The following TSPAN9 variants were observed in gnomAD, a reference collection of about 807,000 sequenced individuals.
TSPAN9 encodes tetraspanin 9.
TSPAN9 carries 16 observed loss-of-function variants against 31.0 expected under a neutral mutation model. The observed-to-expected ratio is 0.52, with a 90% CI of 0.35 to 0.78. TSPAN9 has a LOEUF of 0.78. Among genes scored for constraint, TSPAN9 ranks in the 30% least tolerant of loss-of-function variants. The pLI, the probability that TSPAN9 is intolerant of heterozygous loss-of-function variation, is 0.01. For synonymous variants in TSPAN9, 145 were observed against 121.6 expected (o/e 1.19, Z -1.27); for missense variants, 272 against 312.5 (o/e 0.87, Z 0.98).
intron 3 of TSPAN9, among the ~76,000 whole-genome samples, chr12:3,219,220 C>T (rs966480763): frequency 3.9e-5 from 6 of 152,138 alleles, no homozygotes; most frequent in African/African-American, 7.2e-5. Context: ...CAAGAATGTT[C>T]GACCTCTCTA....
At chr12:3,098,497 G>GT (rs1212243173) in intron 2 of TSPAN9, among the ~76,000 whole-genome samples, 1 of 152,140 alleles carries the variant, frequency 6.6e-6, no homozygotes, top group Non-Finnish European at 1.5e-5. Context: ...GAACAAGGTG[G>GT]TTCATCCTTG....
In TSPAN9 at chr12:3,283,131, A is replaced by T. The variant is rs375068489; in HGVS notation, c.*15A>T. 1 of 1,606,174 alleles carries T rather than the reference A, an allele frequency of 6.2e-7. No individual in the cohort carries two copies. Among genetic ancestry groups the T allele is most frequent in the South Asian group, 1.1e-5 (1 of 91,054 alleles). On this transcript the variant is annotated 3_prime_UTR_variant, in exon 9 of 9. Coordinates refer to ENST00000011898, the MANE Select transcript of TSPAN9 (RefSeq NM_006675.5). ...ACGACGCATGAGCGGGCTGGCCGGG[A>T]GTGCCCACCCCGCCCTGCTGCCCTG...
At chr12:3,259,214 G>A (rs1565635512) in intron 3 of TSPAN9, among the ~76,000 whole-genome samples, 1 of 152,154 alleles carries the variant, frequency 6.6e-6, no homozygotes, top group African/African-American at 2.4e-5. Flanking sequence ...GGAGTCCACC[G>A]CCTTCATAGC....
At chr12:3,261,658 C>T (rs976411499) in intron 3 of TSPAN9, among the ~76,000 whole-genome samples, 2 of 152,186 alleles carry the variant, frequency 1.3e-5, no homozygotes, top group African/African-American at 4.8e-5. Context: ...TCAGTGCAAG[C>T]AGGGAGTTTC....
At chr12:3,078,079 A>G (rs762299267) in intron 1 of TSPAN9, among the ~76,000 whole-genome samples, 1 of 152,234 alleles carries the variant, frequency 6.6e-6, no homozygotes, top group Non-Finnish European at 1.5e-5. Context: ...TTGTACTTGT[A>G]CATCTTGGAA....
intron 1 of TSPAN9, among the ~76,000 whole-genome samples, chr12:3,077,840 G>A (rs796250944): frequency 1.6e-4 from 25 of 152,322 alleles, no homozygotes; most frequent in African/African-American, 5.8e-4. Context: ...GAGAGGGCCA[G>A]GGGGCCTTCG....
At chr12:3,276,109 C>T (rs1862781234) in intron 3 of TSPAN9, among the ~76,000 whole-genome samples, 1 of 152,168 alleles carries the variant, frequency 6.6e-6, no homozygotes, top group Non-Finnish European at 1.5e-5. Flanking sequence ...GGTAGGGATG[C>T]CCACGGGAAG....
At position 3,120,162 on chromosome 12, in the gene TSPAN9, T is replaced by A. The variant is rs190373193; in HGVS notation, c.-18+36443T>A. ...GCTGGTGTTAATTGGAAAGCTTTAA[T>A]GTATGCTTTGGAATGAGTGGGAGGA... On this transcript the variant is annotated intron_variant, in intron 2 of 8. Coordinates refer to ENST00000011898, the MANE Select transcript of TSPAN9 (RefSeq NM_006675.5). 2.0e-5 allele frequency among the ~76,000 whole-genome samples: 3 copies of A among 152,358 alleles called. No homozygotes were observed. In the East Asian group the frequency reaches 5.8e-4, roughly 29 times the overall value.
chr12:3,148,866 A>G (rs1316700147), intron 2 of TSPAN9, among the ~76,000 whole-genome samples: 1 of 152,130 alleles, frequency 6.6e-6, no homozygotes, highest in Non-Finnish European at 1.5e-5. Flanking sequence ...AGTCACGTCC[A>G]AGGCTGGGTG....
In TSPAN9 at chr12:3,106,623, T is replaced by G. The variant is rs932619507; in HGVS notation, c.-18+22904T>G. Among the ~76,000 whole-genome samples, 9 of 151,886 alleles carry G rather than the reference T, an allele frequency of 5.9e-5. No individual in the cohort carries two copies. The East Asian group carries it at 1.7e-3, about 30-fold the overall frequency. On this transcript the variant is annotated intron_variant, in intron 2 of 8. Coordinates refer to ENST00000011898, the MANE Select transcript of TSPAN9 (RefSeq NM_006675.5). ...CTGTCTCTGCAAAAAATAAAAAAAT[T>G]GGCCACACGGGGTGGCATGTGCCTG...
intron 3 of TSPAN9, among the ~76,000 whole-genome samples, chr12:3,272,487 G>T (rs1463442694): frequency 1.3e-5 from 2 of 151,422 alleles, no homozygotes; most frequent in African/African-American, 4.9e-5. Context: ...GGTCCTGGAA[G>T]TGCATGTGTG....
At chr12:3,232,713 G>A (rs571474582) in intron 3 of TSPAN9, among the ~76,000 whole-genome samples, 70 of 152,300 alleles carry the variant, frequency 4.6e-4, no homozygotes, top group African/African-American at 1.6e-3. Flanking sequence ...AGCCCTCCCT[G>A]TCCTTGGAGT....
chr12:3,170,045 A>G lies in TSPAN9; in HGVS notation c.-17-31132A>G, dbSNP rs10774124. ...GGGCATCCTGAATCTCATCTCTGCT[A>G]CTTTCTGGCTGCCGTGACCTTGAGC... On this transcript the variant is annotated intron_variant, in intron 2 of 8. Transcript: ENST00000011898. This position sits in a 1 kb window ranked among gnomAD's most constrained non-coding sequence, Gnocchi z 4.4. 0.21 allele frequency among the ~76,000 whole-genome samples: 32,157 copies of G among 152,032 alleles called. 4,201 individuals are homozygous for G. The highest frequency in any genetic ancestry group is 0.4 in the East Asian group (2,068 of 5,144).
intron 1 of TSPAN9, among the ~76,000 whole-genome samples, chr12:3,081,850 A>ATATATATATATG (rs1413768973): frequency 9.9e-6 from 1 of 101,266 alleles, no homozygotes; most frequent in Non-Finnish European, 2.4e-5. Flanking sequence ...GTGTGTATAT[A>ATATATATATATG]TATGCCAGGT....
At position 3,098,536 on chromosome 12, in the gene TSPAN9, TG is replaced by T. The variant is rs575148062; in HGVS notation, c.-18+14818del. 3.5e-4 allele frequency among the ~76,000 whole-genome samples: 53 copies of T among 152,302 alleles called. No individual in the cohort carries two copies. In the South Asian group the frequency reaches 0.011, roughly 31 times the overall value. On this transcript the variant is annotated intron_variant, in intron 2 of 8. Coordinates refer to ENST00000011898, the MANE Select transcript of TSPAN9 (RefSeq NM_006675.5). ...TGCAAGGGAGGGCTGAGTGACTGCC[TG>T]AGACCCACAGAGCCTGCTGGGGACT... is the stretch of plus-strand genomic sequence containing the variant.
intron 2 of TSPAN9, among the ~76,000 whole-genome samples, chr12:3,105,844 G>A (rs922318973): frequency 3.3e-5 from 4 of 121,406 alleles, no homozygotes; most frequent in East Asian, 4.9e-4. Flanking sequence ...TCATACACAC[G>A]CTCACACACG....
intron 3 of TSPAN9, among the ~76,000 whole-genome samples, chr12:3,249,548 G>A (rs1163326692): frequency 6.6e-6 from 1 of 152,166 alleles, no homozygotes; most frequent in Non-Finnish European, 1.5e-5. Context: ...CTCGTACCTT[G>A]GTCGTCTGTG....
chr12:3,243,197 G>T (rs906245985), intron 3 of TSPAN9, among the ~76,000 whole-genome samples: 5 of 152,140 alleles, frequency 3.3e-5, no homozygotes, highest in Non-Finnish European at 7.3e-5. Context: ...CCCTGTACCC[G>T]AGTTACTGTC....
At chr12:3,254,700 C>A (rs1293638128) in intron 3 of TSPAN9, among the ~76,000 whole-genome samples, 2 of 152,168 alleles carry the variant, frequency 1.3e-5, no homozygotes, top group African/African-American at 4.8e-5. Context: ...TCTTAGTAAA[C>A]CCGCTTAACA....
Sources: gnomAD v4.1 joint callset for allele counts (sites outside exome capture counted in the v4.1 genomes callset) on GRCh38, gnomAD v4.1.1 for gene constraint, Gnocchi (gnomAD v3.1) non-coding constraint, MANE v1.5 for transcripts, NCBI Gene and HGNC (gene_info 2026-07-23, HGNC 2026-07-21) for gene names.